DLGAP1: variants seen among roughly 807,000 people sequenced by gnomAD.
The protein encoded by DLGAP1 is disks large-associated protein 1.
DLGAP1 carries 11 observed loss-of-function variants against 90.8 expected under a neutral mutation model. The ratio of observed to expected loss-of-function variants is 0.12; its 90% CI spans 0.08 to 0.20. The LOEUF (loss-of-function observed/expected upper bound fraction) is 0.20, where lower values mean the gene tolerates loss of function less well. DLGAP1 is among the 10% of genes least tolerant of loss of function. The probability of loss-of-function intolerance (pLI) is 1.00; values close to 1 mark genes in which losing one functional copy is unlikely to be tolerated. For synonymous variants in DLGAP1, 558 were observed against 540.7 expected (o/e 1.03, Z -0.44); for missense variants, 1,050 against 1,333.8 (o/e 0.79, Z 3.31).
intron 7 of DLGAP1, among the ~76,000 whole-genome samples, chr18:3,699,673 A>G (rs1471903156): frequency 6.6e-6 from 1 of 152,152 alleles, no homozygotes; most frequent in Non-Finnish European, 1.5e-5. Flanking sequence ...CTGTGCTGGG[A>G]GATCCACTGC....
At chr18:4,063,233 C>A (rs934219000) in intron 2 of DLGAP1, among the ~76,000 whole-genome samples, 1 of 152,036 alleles carries the variant, frequency 6.6e-6, no homozygotes, top group Non-Finnish European at 1.5e-5. Flanking sequence ...AGCAATGTTA[C>A]ACATATTCTC....
intron 7 of DLGAP1, among the ~76,000 whole-genome samples, chr18:3,701,214 T>C (rs1482056281): frequency 6.6e-6 from 1 of 152,096 alleles, no homozygotes; most frequent in Non-Finnish European, 1.5e-5. Flanking sequence ...AATGATCTCA[T>C]CAGAGGAGCC....
At chr18:4,198,553 AG>A (rs1276013834) in intron 1 of DLGAP1, among the ~76,000 whole-genome samples, 5 of 152,244 alleles carry the variant, frequency 3.3e-5, no homozygotes, top group Non-Finnish European at 1.5e-5. Flanking sequence ...AAAATAGTTT[AG>A]GATGGTCATC....
intron 1 of DLGAP1, among the ~76,000 whole-genome samples, chr18:4,332,823 A>G (rs902860520): frequency 6.6e-6 from 1 of 151,980 alleles, no homozygotes; most frequent in African/African-American, 2.4e-5. Context: ...CCTCTCAGCT[A>G]TGCTGAAATT....
chr18:4,267,963 A>G lies in DLGAP1; in HGVS notation c.-266-116676T>C, dbSNP rs117331418. On this transcript the variant is annotated intron_variant, in intron 1 of 12. Coordinates refer to ENST00000315677, the MANE Select transcript of DLGAP1 (RefSeq NM_004746.4). ...GAAGGGACATACTATCACTTCTGCC[A>G]TATTCTATTGGTCACATATCATTAC... is the stretch of plus-strand genomic sequence containing the variant. Among the ~76,000 whole-genome samples, 355 of 152,338 alleles carry G rather than the reference A, an allele frequency of 2.3e-3. 6 individuals are homozygous for G. The East Asian group carries it at 0.033, about 14-fold the overall frequency.
chr18:3,766,214 T>TA (rs569780680), intron 5 of DLGAP1, among the ~76,000 whole-genome samples: 1 of 151,854 alleles, frequency 6.6e-6, no homozygotes, highest in African/African-American at 2.4e-5. Flanking sequence ...CACTACAAAG[T>TA]AAAAAAAGTC....
intron 2 of DLGAP1, among the ~76,000 whole-genome samples, chr18:4,039,113 A>G (rs1047245415): frequency 1.3e-5 from 2 of 152,250 alleles, no homozygotes; most frequent in Non-Finnish European, 2.9e-5. Context: ...GAAAGAAAAA[A>G]AAGTTCAGCT....
intron 1 of DLGAP1, among the ~76,000 whole-genome samples, chr18:4,391,759 G>A (rs1201329269): frequency 1.3e-5 from 2 of 152,074 alleles, no homozygotes; most frequent in African/African-American, 4.8e-5. Flanking sequence ...TCCCAGAAAC[G>A]CATGTTCTTG....
At chr18:4,198,220 CAAAAAATA>C (rs2077538295) in intron 1 of DLGAP1, among the ~76,000 whole-genome samples, 3 of 151,178 alleles carry the variant, frequency 2.0e-5, no homozygotes, top group Admixed American at 2.0e-4. Context: ...GACTCTGTCT[CAAAAAATA>C]AATAAATAAA....
intron 4 of DLGAP1, among the ~76,000 whole-genome samples, chr18:3,846,777 G>C (rs140535014): frequency 7.2e-5 from 11 of 152,236 alleles, no homozygotes; most frequent in Non-Finnish European, 1.0e-4. Flanking sequence ...GTAGACTAGT[G>C]GTTGCCCTGG....
chr18:4,116,968 C>A (rs945845297), intron 2 of DLGAP1, among the ~76,000 whole-genome samples: 1 of 152,136 alleles, frequency 6.6e-6, no homozygotes. Context: ...TCCTAACCTC[C>A]AATATCTCAG....
At chr18:4,236,520 A>C (rs191798397) in intron 1 of DLGAP1, among the ~76,000 whole-genome samples, 1 of 152,322 alleles carries the variant, frequency 6.6e-6, no homozygotes, top group East Asian at 1.9e-4. Context: ...ACTGCCTTAT[A>C]CTGAACCAAT....
chr18:3,909,732 G>A (rs1326462347), intron 3 of DLGAP1, among the ~76,000 whole-genome samples: 1 of 152,072 alleles, frequency 6.6e-6, no homozygotes, highest in African/African-American at 2.4e-5. Flanking sequence ...CCAGTGTATT[G>A]CACACCACTG....
At chr18:3,758,801 C>G (rs1388885518) in intron 5 of DLGAP1, among the ~76,000 whole-genome samples, 1 of 152,148 alleles carries the variant, frequency 6.6e-6, no homozygotes, top group African/African-American at 2.4e-5. Context: ...TGCAGATGCC[C>G]GACTTTCTTC....
At chr18:3,877,742 C>CTTTCT (rs1390407225) in intron 4 of DLGAP1, among the ~76,000 whole-genome samples, 1 of 152,096 alleles carries the variant, frequency 6.6e-6, no homozygotes, top group East Asian at 1.9e-4. Context: ...AAGTATTTAC[C>CTTTCT]TTTCTTTGTG....
intron 4 of DLGAP1, among the ~76,000 whole-genome samples, chr18:3,868,505 A>C (rs1256246110): frequency 6.6e-6 from 1 of 152,144 alleles, no homozygotes; most frequent in Admixed American, 6.5e-5. Context: ...TCAGAGTGTA[A>C]ACTGCAGGTC....
At chr18:4,089,487 T>C (rs1269089818) in intron 2 of DLGAP1, among the ~76,000 whole-genome samples, 3 of 152,164 alleles carry the variant, frequency 2.0e-5, no homozygotes, top group Admixed American at 6.5e-5. Flanking sequence ...AGGGCCCATA[T>C]AGCCAAGACA....
At chr18:4,237,007 C>T (rs935966256) in intron 1 of DLGAP1, among the ~76,000 whole-genome samples, 3 of 151,646 alleles carry the variant, frequency 2.0e-5, no homozygotes, top group African/African-American at 7.3e-5. Flanking sequence ...GGCATATTCA[C>T]CCTGACATAG....
intron 5 of DLGAP1, among the ~76,000 whole-genome samples, chr18:3,772,330 CCTTCTCT>C (rs1568107903): frequency 5.8e-4 from 34 of 58,298 alleles, no homozygotes; most frequent in African/African-American, 1.5e-3. Context: ...TCCTTTCTCT[CCTTCTCT>C]CTCTCTCTCT....
Sources: allele counts gnomAD v4.1 joint callset (sites outside exome capture counted in the v4.1 genomes callset), GRCh38; gene constraint gnomAD v4.1.1; transcripts MANE v1.5; gene names NCBI Gene and HGNC (gene_info 2026-07-23, HGNC 2026-07-21).